GCA: variants seen among roughly 807,000 people sequenced by gnomAD.
GCA encodes grancalcin, EF-hand calcium-binding protein.
A neutral mutation model predicts 32.6 loss-of-function variants in GCA; 30 were observed. That is an observed-to-expected ratio of 0.92 (90% CI 0.69 to 1.25). The LOEUF (loss-of-function observed/expected upper bound fraction) is 1.25, where lower values mean the gene tolerates loss of function less well. Among genes scored for constraint, GCA ranks in the 50% most tolerant of loss-of-function variants. The probability of loss-of-function intolerance (pLI) is 0.00; values close to 1 mark genes in which losing one functional copy is unlikely to be tolerated. For synonymous variants in GCA, 102 were observed against 84.6 expected, an observed-to-expected ratio of 1.21 and a Z score of -1.13; for missense variants, 291 against 266.8, an observed-to-expected ratio of 1.09 and a Z score of -0.63.
rs1441631066 is a variant in GCA, at chr2:162,344,253, C to T, written c.5C>T (p.Ala2Val). 1.2e-6 allele frequency: 2 copies of T among 1,613,572 alleles called. No homozygotes were observed. The highest frequency in any genetic ancestry group is 2.7e-5 in the African/African-American group (2 of 74,920). M[A>V]YPGYGGGFGN... is the part of the protein sequence containing the mutation. The stretch of plus-strand genomic sequence containing the variant: ...GCTCCGCTCGTCCCGCTCGTCATGG[C>T]CTACCCGGGATACGGAGGAGGGGTG... Residue 2 changes from alanine (A) to valine (V), a missense_variant, in exon 1 of 8, where the codon GCC (alanine) becomes GTC (valine). Transcript: ENST00000437150.
At chr2:162,332,380 T>C (rs1198179223) in intron 1 of GCA, among the ~76,000 whole-genome samples, 1 of 146,914 alleles carries the variant, frequency 6.8e-6, no homozygotes, top group Non-Finnish European at 1.5e-5. Flanking sequence ...ATATAAATTA[T>C]ATAATATATA....
At chr2:162,320,997 T>G (rs1683641208) in intron 1 of GCA, among the ~76,000 whole-genome samples, 1 of 152,182 alleles carries the variant, frequency 6.6e-6, no homozygotes. Flanking sequence ...TTCTCACAAG[T>G]AGGAGTCTCT....
At chr2:162,356,986 T>G in intron 5 of GCA, 81 bp downstream of exon 5, 1 of 998,524 alleles carries the variant, frequency 1.0e-6, no homozygotes, top group South Asian at 1.9e-5. Flanking sequence ...TTCAATTTAC[T>G]AACTAATAAA....
chr2:162,336,371 T>C (rs537399895), intron 1 of GCA, among the ~76,000 whole-genome samples: 2 of 152,352 alleles, frequency 1.3e-5, no homozygotes, highest in African/African-American at 4.8e-5. Context: ...ATTTGATCTT[T>C]GTTATCTATA....
intron 1 of GCA, 21 bp downstream of exon 1, chr2:162,344,296 C>G: frequency 6.2e-7 from 1 of 1,612,532 alleles, no homozygotes; most frequent in East Asian, 2.2e-5. Context: ...GCCGCTTGGT[C>G]GTGTCCCTCT....
At chr2:162,337,115 A>G (rs928134657) in intron 1 of GCA, among the ~76,000 whole-genome samples, 14 of 152,200 alleles carry the variant, frequency 9.2e-5, no homozygotes, top group African/African-American at 2.9e-4. Context: ...GCTCTGTGCC[A>G]GGGAGCCTAA....
At chr2:162,326,997 C>G (rs1452179780) in intron 1 of GCA, among the ~76,000 whole-genome samples, 1 of 152,160 alleles carries the variant, frequency 6.6e-6, no homozygotes, top group Non-Finnish European at 1.5e-5. Context: ...AATTAACTGC[C>G]CTCACCTATG....
chr2:162,347,750 G>A lies in GCA; in HGVS notation c.192+8G>A, dbSNP rs368607774. ...AGTGCTGTTGCTGGACAGGTGAGAT[G>A]CTAAATTTATTGCATAAATATGTCT... On this transcript the variant is annotated splice_region_variant and intron_variant, in intron 2 of 7. Coordinates refer to ENST00000437150, the MANE Select transcript of GCA (RefSeq NM_012198.5). The A allele has an allele frequency of 7.5e-6, 11 of 1,474,180 alleles. No homozygotes were observed. In the African/African-American group the frequency reaches 1.3e-4, roughly 17 times the overall value. The allele number at this position is 1,474,180 out of a possible 1,614,324, so 91.3% of individuals were successfully genotyped here.
intron 2 of GCA, 67 bp downstream of exon 2, chr2:162,347,809 T>G: frequency 1.1e-6 from 1 of 945,468 alleles, no homozygotes; most frequent in South Asian, 2.6e-5. Context: ...TGTCAGCTAT[T>G]TAGAGTATCA....
Position 162,360,941 on chromosome 2 carries a change from A to G in GCA, c.*698A>G, listed in dbSNP as rs182258145. ...AACATAGTATTTCTCTCTGCGTCCT[A>G]TTTCATTAGTGAAGACATAGTTCAC... is the stretch of plus-strand genomic sequence containing the variant. On this transcript the variant is annotated 3_prime_UTR_variant, in exon 8 of 8. Transcript: ENST00000437150. The G allele has an allele frequency of 3.3e-5, 38 of 1,143,302 alleles. No individual in the cohort carries two copies. The highest frequency in any genetic ancestry group is 1.2e-4 in the East Asian group (3 of 25,934). 70.8% of individuals were successfully genotyped at this position (1,143,302 alleles called of 1,614,324 possible).
chr2:162,327,981 G>A (rs1436996004), intron 1 of GCA, among the ~76,000 whole-genome samples: 4 of 152,198 alleles, frequency 2.6e-5, no homozygotes, highest in African/African-American at 9.6e-5. Flanking sequence ...GCTGGCTCTT[G>A]GCGCCTCGTC....
intron 2 of GCA, among the ~76,000 whole-genome samples, chr2:162,347,956 A>G (rs780090588): frequency 2.6e-5 from 4 of 152,184 alleles, no homozygotes; most frequent in East Asian, 3.8e-4. Context: ...TCATTTGACT[A>G]AAAGAGGAAA....
intron 1 of GCA, among the ~76,000 whole-genome samples, chr2:162,324,980 G>A (rs531973310): frequency 6.6e-6 from 1 of 151,300 alleles, no homozygotes; most frequent in East Asian, 1.9e-4. Flanking sequence ...GGAGTTTGAT[G>A]GCTTCTAGGC....
downstream of GCA, chr2:162,372,203 T>C (rs951061316): frequency 1.1e-6 from 1 of 911,284 alleles, no homozygotes; most frequent in Non-Finnish European, 1.6e-6. Flanking sequence ...TAATCTATAT[T>C]TGATTAGTGA....
chr2:162,364,830 A>G (rs980124163), downstream of GCA, among the ~76,000 whole-genome samples: 21 of 151,666 alleles, frequency 1.4e-4, no homozygotes, highest in Admixed American at 4.6e-4. Context: ...TATGTTATAA[A>G]AAGTTATTTG....
chr2:162,325,501 C>G (rs1576254401), intron 1 of GCA, among the ~76,000 whole-genome samples: 1 of 152,276 alleles, frequency 6.6e-6, no homozygotes, highest in East Asian at 1.9e-4. Context: ...TGTGTTTTAT[C>G]AAGGCCTCTC....
At chr2:162,343,369 C>G (rs1268639902), upstream of GCA, among the ~76,000 whole-genome samples, 3 of 152,106 alleles carry the variant, frequency 2.0e-5, no homozygotes, top group Non-Finnish European at 4.4e-5. Context: ...CAAGAGTTTG[C>G]CCAAAGGCTG....
rs1025968575 is a variant in GCA at position 162,362,375 on chromosome 2, A to G, written c.*2132A>G. The G allele has an allele frequency of 2.0e-6, 2 of 980,310 alleles. No individual in the cohort carries two copies. Among genetic ancestry groups the G allele is most frequent in the African/African-American group, 3.5e-5 (2 of 57,052 alleles). 60.7% of individuals were successfully genotyped at this position (980,310 alleles called of 1,614,324 possible). The stretch of plus-strand genomic sequence containing the variant: ...AACAAAAACATTAGGCCTAGAGAAT[A>G]TTTTACCAGAATTTTTATACTGAAA... On this transcript the variant is annotated 3_prime_UTR_variant, in exon 8 of 8. Transcript: ENST00000437150.
intron 1 of GCA, among the ~76,000 whole-genome samples, chr2:162,329,669 T>C (rs1684008152): frequency 6.6e-6 from 1 of 151,238 alleles, no homozygotes; most frequent in African/African-American, 2.4e-5. Flanking sequence ...TTTATTATAA[T>C]AATAATAATT....
Sources: gnomAD v4.1 joint callset for allele counts (sites outside exome capture counted in the v4.1 genomes callset) on GRCh38, gnomAD v4.1.1 for gene constraint, MANE v1.5 for transcripts, NCBI Gene and HGNC (gene_info 2026-07-23, HGNC 2026-07-21) for gene names.